FUT9: variants seen among roughly 807,000 people sequenced by gnomAD.
FUT9 encodes the protein 4-galactosyl-N-acetylglucosaminide 3-alpha-L-fucosyltransferase 9.
Under a neutral mutation model 29.7 loss-of-function variants are expected in FUT9, and 15 were observed. The ratio of observed to expected loss-of-function variants is 0.51; its 90% CI spans 0.34 to 0.78. The LOEUF is 0.78. FUT9 is among the 30% of genes least tolerant of loss of function. FUT9 has a pLI of 0.01. For synonymous variants in FUT9, 169 were observed against 153.7 expected (o/e 1.10, Z -0.74); for missense variants, 319 against 425.4 (o/e 0.75, Z 2.20).
At chr6:96,176,509 T>G (rs1355281647) in intron 2 of FUT9, among the ~76,000 whole-genome samples, 2 of 152,154 alleles carry the variant, frequency 1.3e-5, no homozygotes, top group African/African-American at 4.8e-5. Flanking sequence ...TGTTTTCCAG[T>G]AAAATATTAT....
chr6:96,147,058 T>A (rs1046347756), intron 2 of FUT9, among the ~76,000 whole-genome samples: 2 of 152,118 alleles, frequency 1.3e-5, no homozygotes, highest in African/African-American at 2.4e-5. Flanking sequence ...GCAAACACAA[T>A]TACCTTCTCA....
intron 2 of FUT9, among the ~76,000 whole-genome samples, chr6:96,128,278 A>G (rs1424990287): frequency 3.9e-5 from 6 of 152,188 alleles, no homozygotes; most frequent in African/African-American, 1.2e-4. Flanking sequence ...ATATGTAAAG[A>G]GTGTTCACAA....
At chr6:96,155,651 C>G (rs7775606) in intron 2 of FUT9, among the ~76,000 whole-genome samples, 1 of 145,652 alleles carries the variant, frequency 6.9e-6, no homozygotes, top group Non-Finnish European at 1.5e-5. Context: ...CCAGCCTGGG[C>G]GACAGAGTGA....
intron 2 of FUT9, among the ~76,000 whole-genome samples, chr6:96,145,977 C>G (rs1287624322): frequency 6.6e-6 from 1 of 151,762 alleles, no homozygotes; most frequent in Non-Finnish European, 1.5e-5. Context: ...CTCAGCTTCC[C>G]AAGTATCTGG....
At chr6:96,054,305 C>T (rs1352544059) in intron 1 of FUT9, among the ~76,000 whole-genome samples, 2 of 152,094 alleles carry the variant, frequency 1.3e-5, no homozygotes, top group Non-Finnish European at 2.9e-5. Context: ...CCTTATGGAC[C>T]ATACAGTATG....
chr6:96,162,137 TTCTG>T (rs540189140), intron 2 of FUT9, among the ~76,000 whole-genome samples: 126 of 152,328 alleles, frequency 8.3e-4, no homozygotes, highest in Non-Finnish European at 1.4e-3. Context: ...TTATTTTAAA[TTCTG>T]TCTGTTAATT....
intron 2 of FUT9, among the ~76,000 whole-genome samples, chr6:96,177,302 C>G (rs1344805529): frequency 6.6e-6 from 1 of 151,958 alleles, no homozygotes; most frequent in Admixed American, 6.6e-5. Flanking sequence ...CCTACCCACC[C>G]CCAAGGTAAA....
At chr6:96,055,965 C>G (rs1021861587) in intron 1 of FUT9, among the ~76,000 whole-genome samples, 1 of 152,048 alleles carries the variant, frequency 6.6e-6, no homozygotes, top group African/African-American at 2.4e-5. Flanking sequence ...ATCAAAATAT[C>G]AAAATAATAT....
At chr6:96,120,619 T>C (rs1394520725) in intron 2 of FUT9, among the ~76,000 whole-genome samples, 1 of 88,878 alleles carries the variant, frequency 1.1e-5, no homozygotes, top group Non-Finnish European at 2.4e-5. Flanking sequence ...TTTTTTTTTT[T>C]TCTGTACTAA....
intron 1 of FUT9, among the ~76,000 whole-genome samples, chr6:96,027,494 C>T (rs1044972117): frequency 6.6e-5 from 10 of 151,430 alleles, no homozygotes; most frequent in Non-Finnish European, 1.5e-4. Flanking sequence ...TCTACCTTTG[C>T]GGTTTCTGTC....
At chr6:96,143,512 TCTC>T (rs1452441768) in intron 2 of FUT9, among the ~76,000 whole-genome samples, 1 of 151,986 alleles carries the variant, frequency 6.6e-6, no homozygotes. Flanking sequence ...CTTTCTTTCA[TCTC>T]CTCCTCCTTC....
At chr6:96,043,043 T>A (rs1770491885) in intron 1 of FUT9, among the ~76,000 whole-genome samples, 1 of 152,176 alleles carries the variant, frequency 6.6e-6, no homozygotes, top group African/African-American at 2.4e-5. Context: ...TTAGATTTGA[T>A]CAATTCACAA....
intron 2 of FUT9, among the ~76,000 whole-genome samples, chr6:96,145,690 C>G (rs1433436243): frequency 6.6e-6 from 1 of 152,070 alleles, no homozygotes; most frequent in Non-Finnish European, 1.5e-5. Flanking sequence ...CTTAAGAAAG[C>G]CTCCAGACAG....
intron 1 of FUT9, among the ~76,000 whole-genome samples, chr6:96,034,300 AAG>A (rs2127928336): frequency 6.6e-6 from 1 of 151,730 alleles, no homozygotes; most frequent in East Asian, 1.9e-4. Flanking sequence ...CTATTACTGA[AAG>A]ATAATTGCCT....
At chr6:96,118,752 C>A (rs977348547) in intron 2 of FUT9, among the ~76,000 whole-genome samples, 2 of 152,018 alleles carry the variant, frequency 1.3e-5, no homozygotes, top group African/African-American at 4.8e-5. Flanking sequence ...ACGTTATTGC[C>A]CCTGAAGACC....
At chr6:96,107,277 C>G (rs756003538) in intron 1 of FUT9, among the ~76,000 whole-genome samples, 17 of 152,148 alleles carry the variant, frequency 1.1e-4, no homozygotes, top group Non-Finnish European at 2.2e-4. Context: ...GGAACAACAG[C>G]CTTAGCCCCA....
At chr6:96,192,702 C>T (rs188895622) in intron 2 of FUT9, among the ~76,000 whole-genome samples, 6,755 of 152,082 alleles carry the variant, frequency 0.044, 188 homozygotes, top group Non-Finnish European at 0.068. Context: ...GAAAAAACTA[C>T]TTTAAAGTTC....
intron 1 of FUT9, among the ~76,000 whole-genome samples, chr6:96,083,123 C>T (rs72927942): frequency 0.069 from 10,508 of 152,006 alleles, 456 homozygotes; most frequent in South Asian, 0.12. Context: ...GTGACCTATC[C>T]TTTCTCACCA....
At chr6:96,199,251 C>T (rs1027957786) in intron 2 of FUT9, among the ~76,000 whole-genome samples, 3 of 152,062 alleles carry the variant, frequency 2.0e-5, no homozygotes, top group African/African-American at 7.2e-5. Flanking sequence ...TGTTAAGTAT[C>T]CAACTGAATT....
Sources: gnomAD v4.1 joint callset for allele counts (sites outside exome capture counted in the v4.1 genomes callset) on GRCh38, gnomAD v4.1.1 for gene constraint, MANE v1.5 for transcripts, NCBI Gene and HGNC (gene_info 2026-07-23, HGNC 2026-07-21) for gene names.